SPTBN1: variants seen among roughly 807,000 people sequenced by gnomAD.
SPTBN1 encodes the protein spectrin beta, non-erythrocytic 1.
In SPTBN1, 32 loss-of-function variants were observed where a neutral mutation model predicts 266.4. The ratio of observed to expected loss-of-function variants is 0.12; its 90% CI spans 0.09 to 0.16. The LOEUF is 0.16. SPTBN1 is among the 10% of genes least tolerant of loss of function. SPTBN1 has a pLI of 1.00. For synonymous variants in SPTBN1, 1,336 were observed against 1,162.2 expected, an observed-to-expected ratio of 1.15 and a Z score of -3.04; for missense variants, 2,296 against 3,067.1, an observed-to-expected ratio of 0.75 and a Z score of 5.94.
intron 18 of SPTBN1, among the ~76,000 whole-genome samples, chr2:54,639,762 A>G (rs1434123855): frequency 1.3e-5 from 2 of 152,228 alleles, no homozygotes; most frequent in African/African-American, 2.4e-5. Context: ...TCTCCTCCAC[A>G]CACACCTTGG....
In SPTBN1 at chr2:54,628,529, A is replaced by G. The variant is rs1678504891; in HGVS notation, c.1798+279A>G. Reference sequence around the variant, plus strand: ...CATACCTCAGTCTCTCTGGCCATGCACCGACACCCTGGTGTGGCTGTTCCA... The same window carrying G: ...CATACCTCAGTCTCTCTGGCCATGCGCCGACACCCTGGTGTGGCTGTTCCA... On this transcript the variant is annotated intron_variant, in intron 13 of 35. Coordinates refer to ENST00000356805, the MANE Select transcript of SPTBN1 (RefSeq NM_003128.3). The surrounding 1 kb of genome is among the most constrained non-coding windows in gnomAD (Gnocchi z 4.3). 6.6e-6 allele frequency among the ~76,000 whole-genome samples: 1 copy of G among 152,162 alleles called. No homozygotes were observed. The highest frequency in any genetic ancestry group is 1.5e-5 in the Non-Finnish European group (1 of 68,030).
intron 3 of SPTBN1, among the ~76,000 whole-genome samples, chr2:54,604,038 G>C (rs752274208): frequency 5.3e-5 from 8 of 152,122 alleles, no homozygotes; most frequent in Non-Finnish European, 7.4e-5. Context: ...CCCCTCACTT[G>C]GTAGATATGG....
rs567410898 is a variant in SPTBN1, at chr2:54,555,755, C to T, written c.148+29189C>T. ...TCCTCCAGCCAAACTGCAGCACTTG[C>T]TGGTGCTGTTTCCTGGGCATCCATG... is the stretch of plus-strand genomic sequence containing the variant. On this transcript the variant is annotated intron_variant, in intron 2 of 35. Transcript: ENST00000356805. Among the ~76,000 whole-genome samples the T allele has an allele frequency of 2.0e-5, 3 of 152,330 alleles. No homozygotes were observed. The South Asian group carries it at 6.2e-4, about 32-fold the overall frequency.
At chr2:54,667,472 G>GT (rs1463924237) in intron 34 of SPTBN1, 132 bp from the exon 35 acceptor site, 1 of 758,832 alleles carries the variant, frequency 1.3e-6, no homozygotes, top group African/African-American at 1.8e-5. Flanking sequence ...AGGCTTGGTG[G>GT]TGACATATGT....
rs79386074 is a variant in SPTBN1, at chr2:54,503,533, C to G, written c.-47-22839C>G. On this transcript the variant is annotated intron_variant, in intron 1 of 35. Coordinates refer to ENST00000356805, the MANE Select transcript of SPTBN1 (RefSeq NM_003128.3). ...GGCCTTAGCAGAATTTGAAAGTGTC[C>G]AAGGGTTAGAAATGAGAAGTCTCCA... Among the ~76,000 whole-genome samples the G allele has an allele frequency of 7.4e-4, 113 of 152,284 alleles. 1 individual carries two copies. Among genetic ancestry groups the G allele is most frequent in the African/African-American group, 2.6e-3 (109 of 41,522 alleles).
Position 54,594,833 on chromosome 2 carries a change from C to CTTTTTTTTTTTTTTTT in SPTBN1, c.149-4256_149-4241dup, listed in dbSNP as rs71408777. 4.2e-4 allele frequency among the ~76,000 whole-genome samples: 44 copies of CTTTTTTTTTTTTTTTT among 104,672 alleles called. 4 individuals carry two copies. The highest frequency in any genetic ancestry group is 1.8e-3 in the African/African-American group (36 of 19,768). The allele number at this position is 104,672 out of a possible 152,430, so 68.7% of individuals were successfully genotyped here. On this transcript the variant is annotated intron_variant, in intron 2 of 35. Coordinates refer to ENST00000356805, the MANE Select transcript of SPTBN1 (RefSeq NM_003128.3). ...GATTCCATGACCCTCTGGTAAGTTT[C>CTTTTTTTTTTTTTTTT]TTTTTTTTTTTTTTTTTTGAGACAG...
intron 2 of SPTBN1, among the ~76,000 whole-genome samples, chr2:54,588,443 C>T (rs1408152834): frequency 6.6e-6 from 1 of 152,048 alleles, no homozygotes; most frequent in Non-Finnish European, 1.5e-5. Context: ...ATCCCACACT[C>T]CCTGTGTGGG....
At chr2:54,505,547 C>T (rs539378102) in intron 1 of SPTBN1, among the ~76,000 whole-genome samples, 1 of 152,174 alleles carries the variant, frequency 6.6e-6, no homozygotes, top group Non-Finnish European at 1.5e-5. Flanking sequence ...TGTGCCAGCT[C>T]TCCCAGGAAG....
intron 1 of SPTBN1, among the ~76,000 whole-genome samples, chr2:54,507,192 A>C (rs950912093): frequency 2.6e-5 from 4 of 151,924 alleles, no homozygotes; most frequent in Admixed American, 6.6e-5. Context: ...AGTTAAGGCT[A>C]TTTTCACTTC....
chr2:54,656,387 A>G (rs1401358165), intron 29 of SPTBN1, among the ~76,000 whole-genome samples: 1 of 152,242 alleles, frequency 6.6e-6, no homozygotes, highest in African/African-American at 2.4e-5. Context: ...TAACATAATA[A>G]AAACTAACAT....
intron 2 of SPTBN1, among the ~76,000 whole-genome samples, chr2:54,547,285 A>C (rs1243093357): frequency 6.6e-6 from 1 of 152,218 alleles, no homozygotes; most frequent in Non-Finnish European, 1.5e-5. Context: ...TCCATGTTAT[A>C]GCATATGACA....
Position 54,666,087 on chromosome 2 carries a change from A to C in SPTBN1, c.6832A>C (p.Arg2278=). ...YKKKKHVFKL[R]LNDGNEYLFQ... is the part of the protein sequence containing the mutation. ...AAAGAAGAAACACGTATTCAAGCTA[A>C]GGTGAGAGTCGCCGTGCTTCATGGC... is the stretch of plus-strand genomic sequence containing the variant. The change falls in exon 34 of 36, where the codon AGA becomes CGA. Residue 2278 remains arginine, a splice_region_variant and synonymous_variant. Coordinates refer to ENST00000356805, the MANE Select transcript of SPTBN1 (RefSeq NM_003128.3). 1 of 1,609,322 alleles carries C rather than the reference A, an allele frequency of 6.2e-7. No individual in the cohort carries two copies. The highest frequency in any genetic ancestry group is 2.2e-5 in the East Asian group (1 of 44,822).
intron 2 of SPTBN1, among the ~76,000 whole-genome samples, chr2:54,598,296 T>TTGTGATC (rs1676239490): frequency 6.6e-6 from 1 of 152,212 alleles, no homozygotes; most frequent in African/African-American, 2.4e-5. Context: ...CAGCGAAGGA[T>TTGTGATC]CACAGTATGG....
At chr2:54,507,949 G>T (rs1669662138) in intron 1 of SPTBN1, among the ~76,000 whole-genome samples, 1 of 152,144 alleles carries the variant, frequency 6.6e-6, no homozygotes, top group Non-Finnish European at 1.5e-5. Flanking sequence ...TAGCTGGGGA[G>T]AGGTAGAGGG....
At chr2:54,461,241 AGATT>A (rs2103791698) in intron 1 of SPTBN1, among the ~76,000 whole-genome samples, 1 of 152,346 alleles carries the variant, frequency 6.6e-6, no homozygotes, top group South Asian at 2.1e-4. Context: ...TCACATATTT[AGATT>A]AAGATTCTAT....
intron 1 of SPTBN1, among the ~76,000 whole-genome samples, chr2:54,504,638 T>C (rs1261527382): frequency 6.6e-6 from 1 of 152,236 alleles, no homozygotes; most frequent in Admixed American, 6.5e-5. Flanking sequence ...GTCGGTTTTA[T>C]ACAAATACTA....
intron 4 of SPTBN1, among the ~76,000 whole-genome samples, chr2:54,612,965 T>A (rs1458649593): frequency 6.6e-6 from 1 of 152,168 alleles, no homozygotes; most frequent in African/African-American, 2.4e-5. Flanking sequence ...ACTCTCAAGG[T>A]CATTTTGTCC....
intron 31 of SPTBN1, 138 bp downstream of exon 31, chr2:54,659,404 G>A (rs1680888869): frequency 2.5e-6 from 2 of 811,068 alleles, no homozygotes; most frequent in Middle Eastern, 3.7e-4. Flanking sequence ...ACTGTTTAAA[G>A]GCTGTACAGT....
intron 3 of SPTBN1, among the ~76,000 whole-genome samples, chr2:54,600,081 G>A (rs1055725163): frequency 6.6e-6 from 1 of 152,198 alleles, no homozygotes; most frequent in Admixed American, 6.5e-5. Context: ...GATGCTGGCA[G>A]TTGGCAGGGC....
Sources: gnomAD v4.1 joint callset for allele counts (sites outside exome capture counted in the v4.1 genomes callset) on GRCh38, gnomAD v4.1.1 for gene constraint, Gnocchi (gnomAD v3.1) non-coding constraint, MANE v1.5 for transcripts, NCBI Gene and HGNC (gene_info 2026-07-23, HGNC 2026-07-21) for gene names.